The following SGCZ variants were observed in gnomAD, a reference collection of about 807,000 sequenced individuals.
SGCZ encodes the protein sarcoglycan zeta, also known as zeta-sarcoglycan.
A neutral mutation model predicts 41.3 loss-of-function variants in SGCZ; 40 were observed. That is an observed-to-expected ratio of 0.97 (90% CI 0.75 to 1.26). The LOEUF is 1.26. Ranked by LOEUF, SGCZ falls within the 50% of genes most tolerant of loss-of-function variation. The pLI, the probability that SGCZ is intolerant of heterozygous loss-of-function variation, is 0.00. For missense variants in SGCZ, 552 were observed against 369.8 expected (o/e 1.49, Z -4.04); for synonymous variants, 206 against 137.5 (o/e 1.50, Z -3.49).
At chr8:15,130,264 T>A (rs1338376582) in intron 1 of SGCZ, among the ~76,000 whole-genome samples, 3 of 152,124 alleles carry the variant, frequency 2.0e-5, no homozygotes, top group African/African-American at 7.2e-5. Flanking sequence ...CCGTGCAATG[T>A]TTCATTACCA....
At chr8:14,783,951 T>C (rs1800670142) in intron 1 of SGCZ, among the ~76,000 whole-genome samples, 1 of 152,192 alleles carries the variant, frequency 6.6e-6, no homozygotes, top group Non-Finnish European at 1.5e-5. Context: ...TCATTCTTGT[T>C]CTTCAGATTT....
intron 1 of SGCZ, among the ~76,000 whole-genome samples, chr8:15,227,543 C>G (rs1801818750): frequency 6.6e-6 from 1 of 152,116 alleles, no homozygotes; most frequent in Non-Finnish European, 1.5e-5. Flanking sequence ...GGGGTAGAAA[C>G]ATAATGTTTA....
At chr8:15,025,976 G>C (rs1275654598) in intron 1 of SGCZ, among the ~76,000 whole-genome samples, 2 of 151,910 alleles carry the variant, frequency 1.3e-5, no homozygotes, top group East Asian at 1.9e-4. Context: ...ATATATCATA[G>C]AGTCTGATAC....
At chr8:14,095,613 A>C (rs1392278036) in intron 7 of SGCZ, among the ~76,000 whole-genome samples, 2 of 152,166 alleles carry the variant, frequency 1.3e-5, no homozygotes, top group Admixed American at 1.3e-4. Flanking sequence ...TATGAAGTTT[A>C]AAGTAGTTTT....
chr8:14,766,044 C>A (rs1278926646), intron 1 of SGCZ, among the ~76,000 whole-genome samples: 1 of 150,656 alleles, frequency 6.6e-6, no homozygotes, highest in Non-Finnish European at 1.5e-5. Flanking sequence ...CTCACTGCAA[C>A]CTCCACCTCC....
At chr8:14,742,475 T>A (rs1345197427) in intron 1 of SGCZ, among the ~76,000 whole-genome samples, 2 of 152,084 alleles carry the variant, frequency 1.3e-5, no homozygotes, top group Non-Finnish European at 2.9e-5. Context: ...ACCCATTTAG[T>A]GAGCAAAGAC....
intron 1 of SGCZ, among the ~76,000 whole-genome samples, chr8:14,849,691 T>C (rs963969010): frequency 6.6e-6 from 1 of 152,104 alleles, no homozygotes; most frequent in Non-Finnish European, 1.5e-5. Context: ...GAGTCTTTGT[T>C]GGTAATGCAT....
chr8:14,761,459 T>C (rs1429883212), intron 1 of SGCZ, among the ~76,000 whole-genome samples: 7 of 151,604 alleles, frequency 4.6e-5, no homozygotes, highest in Non-Finnish European at 2.9e-5. Context: ...TGTGTCTCAT[T>C]TTGATCTACC....
At chr8:14,402,789 T>A (rs1275878379) in intron 2 of SGCZ, among the ~76,000 whole-genome samples, 1 of 148,440 alleles carries the variant, frequency 6.7e-6, no homozygotes, top group Non-Finnish European at 1.5e-5. Context: ...TTTGGCTCCA[T>A]ATGAACTTTA....
chr8:14,258,230 G>C lies in SGCZ; in HGVS notation c.337-20551C>G, dbSNP rs543037473. 2.5e-4 allele frequency among the ~76,000 whole-genome samples: 26 copies of C among 104,218 alleles called. No individual in the cohort carries two copies. In the South Asian group the frequency reaches 5.4e-3, roughly 22 times the overall value. The allele number at this position is 104,218 out of a possible 152,430, so 68.4% of individuals were successfully genotyped here. A position where few individuals can be genotyped will look rare whatever the true frequency, so the allele number is the denominator to read the frequency against. ...ATTCTGTGTTTCCCCCATGTATGAA[G>C]ATTATAATGAAAACTAGGTCTGTCC... On this transcript the variant is annotated intron_variant, in intron 3 of 7. Coordinates refer to ENST00000382080, the MANE Select transcript of SGCZ (RefSeq NM_139167.4).
At chr8:15,161,574 A>C (rs907761055) in intron 1 of SGCZ, among the ~76,000 whole-genome samples, 3 of 152,186 alleles carry the variant, frequency 2.0e-5, no homozygotes, top group Admixed American at 2.0e-4. Context: ...AAATGAATTA[A>C]ATTTGTATGA....
At chr8:14,109,733 C>G (rs1014976321) in intron 5 of SGCZ, among the ~76,000 whole-genome samples, 22 of 152,234 alleles carry the variant, frequency 1.4e-4, no homozygotes, top group African/African-American at 5.3e-4. Context: ...CATCAGATGA[C>G]TCCTTTGCAT....
At chr8:14,248,720 A>G (rs568536309) in intron 3 of SGCZ, among the ~76,000 whole-genome samples, 1 of 150,026 alleles carries the variant, frequency 6.7e-6, no homozygotes, top group African/African-American at 2.5e-5. Context: ...ATTTTCATTT[A>G]TGATAATTAC....
At chr8:14,395,673 C>G (rs920814940) in intron 2 of SGCZ, among the ~76,000 whole-genome samples, 1 of 152,136 alleles carries the variant, frequency 6.6e-6, no homozygotes, top group Non-Finnish European at 1.5e-5. Context: ...CTCTAAAATA[C>G]CCTGACCCAT....
chr8:15,138,381 G>A (rs887446170), intron 1 of SGCZ, among the ~76,000 whole-genome samples: 1 of 152,044 alleles, frequency 6.6e-6, no homozygotes, highest in African/African-American at 2.4e-5. Flanking sequence ...CTGTTGGGAG[G>A]GCATGATTGT....
intron 1 of SGCZ, among the ~76,000 whole-genome samples, chr8:15,232,883 ATAGTAAT>A (rs1176517125): frequency 6.6e-6 from 1 of 151,340 alleles, no homozygotes; most frequent in African/African-American, 2.4e-5. Flanking sequence ...TGTGATTAAT[ATAGTAAT>A]TAGCTTCCTT....
rs151171388 is a variant in SGCZ at position 14,916,597 on chromosome 8, T to C, written c.39+320988A>G. Among the ~76,000 whole-genome samples the C allele has an allele frequency of 5.6e-3, 858 of 152,336 alleles. 9 individuals carry two copies. The highest frequency in any genetic ancestry group is 0.028 in the East Asian group (147 of 5,188). The stretch of plus-strand genomic sequence containing the variant: ...GTAAGCTCCATATAAGTTAACAAAC[T>C]TGCCTTTAAAGGCAAAAAAGCAACT... On this transcript the variant is annotated intron_variant, in intron 1 of 7. Transcript: ENST00000382080.
intron 2 of SGCZ, among the ~76,000 whole-genome samples, chr8:14,551,232 C>G (rs1332213179): frequency 6.9e-6 from 1 of 145,566 alleles, no homozygotes. Flanking sequence ...CTTCAATTAT[C>G]AAATATAGAA....
intron 5 of SGCZ, among the ~76,000 whole-genome samples, chr8:14,155,641 A>G (rs57857576): frequency 0.11 from 16,276 of 151,468 alleles, 1,031 homozygotes; most frequent in Middle Eastern, 0.21. Context: ...TTATTCATTT[A>G]TAATATGGAT....
Sources: allele counts gnomAD v4.1 joint callset (sites outside exome capture counted in the v4.1 genomes callset), GRCh38; gene constraint gnomAD v4.1.1; transcripts MANE v1.5; gene names NCBI Gene and HGNC (gene_info 2026-07-23, HGNC 2026-07-21).